Variants in SLC12A8 observed in about 807,000 individuals in gnomAD.
SLC12A8 encodes cation-chloride cotransporter 9.
A neutral mutation model predicts 75.6 loss-of-function variants in SLC12A8; 69 were observed. The observed-to-expected ratio is 0.91, with a 90% CI of 0.75 to 1.11. The LOEUF (loss-of-function observed/expected upper bound fraction) is 1.11, where lower values mean the gene tolerates loss of function less well. SLC12A8 is among the 50% of genes most tolerant of loss of function. SLC12A8 has a pLI of 0.00. For missense variants in SLC12A8, 877 were observed against 896.7 expected (o/e 0.98, Z 0.28); for synonymous variants, 365 against 372.8 (o/e 0.98, Z 0.24).
At chr3:125,172,861 TA>T (rs1272958993) in intron 5 of SLC12A8, among the ~76,000 whole-genome samples, 1 of 152,196 alleles carries the variant, frequency 6.6e-6, no homozygotes, top group African/African-American at 2.4e-5. Flanking sequence ...AAGTGTACTT[TA>T]AAAAAACTTT....
At chr3:125,123,175 G>C (rs559784838) in intron 6 of SLC12A8, among the ~76,000 whole-genome samples, 8 of 151,852 alleles carry the variant, frequency 5.3e-5, no homozygotes, top group South Asian at 2.1e-4. Flanking sequence ...AGGAGTTCGA[G>C]ACCAGCCTGA....
Position 125,177,753 on chromosome 3 carries a change from G to A in SLC12A8, c.612C>T (p.His204=), listed in dbSNP as rs1934566664. 6.2e-7 allele frequency: 1 copy of A among 1,613,886 alleles called. No homozygotes were observed. Among genetic ancestry groups the A allele is most frequent in the Non-Finnish European group, 8.5e-7 (1 of 1,179,818 alleles). Residue 204 remains histidine, a synonymous_variant, in exon 5 of 14, where the codon CAC becomes CAT. Transcript: ENST00000469902. ...CTCTGAAAGGCTTACCTGGGTCCAG[G>A]TGGGTGAAAGAACCCACCACAAAGT... ...TLDFVVGSFT[H]LDPEHGFIGY...
intron 5 of SLC12A8, among the ~76,000 whole-genome samples, chr3:125,154,588 G>A (rs1305728399): frequency 3.3e-5 from 5 of 152,028 alleles, no homozygotes; most frequent in African/African-American, 7.3e-5. Context: ...TATCCATTAG[G>A]GGTACATCCC....
Position 125,128,186 on chromosome 3 carries a change from T to TTA in SLC12A8, c.736+7482_736+7483insTA, listed in dbSNP as rs1432006425. Among the ~76,000 whole-genome samples, 4 of 114,898 alleles carry TTA rather than the reference T, an allele frequency of 3.5e-5. 1 individual carries two copies. Among genetic ancestry groups the TTA allele is most frequent in the African/African-American group, 1.1e-4 (2 of 18,888 alleles). 75.4% of individuals were successfully genotyped at this position (114,898 alleles called of 152,430 possible). On this transcript the variant is annotated intron_variant, in intron 6 of 13. Transcript: ENST00000469902. ...TGCCCGGCCTAAGCTTATTTTTATT[T>TTA]TTTTTTTTTTTTGAGACGGAGTCTC...
At chr3:125,179,733 A>AGAGAGAG (rs1560077720) in intron 4 of SLC12A8, among the ~76,000 whole-genome samples, 24 of 135,082 alleles carry the variant, frequency 1.8e-4, no homozygotes, top group African/African-American at 6.9e-4. Flanking sequence ...GAGAGAGAGA[A>AGAGAGAG]AGAGAAAGAC....
At chr3:125,097,379 A>T (rs1185662857) in intron 10 of SLC12A8, among the ~76,000 whole-genome samples, 1 of 149,760 alleles carries the variant, frequency 6.7e-6, no homozygotes, top group Non-Finnish European at 1.5e-5. Context: ...ACAGAGCAAG[A>T]CTCTGTCTCA....
In SLC12A8 at chr3:125,083,391, C is replaced by T. The variant is rs1181994645; in HGVS notation, c.*499G>A. On this transcript the variant is annotated 3_prime_UTR_variant, in exon 14 of 14. Coordinates refer to ENST00000469902, the MANE Select transcript of SLC12A8 (RefSeq NM_024628.6). ...ACGTGGTCCTCAGAATCCAGATTTC[C>T]TTTTTTGTCTTTTTCCTTCTTCCAC... The T allele has an allele frequency of 6.3e-6, 1 of 157,928 alleles. No individual in the cohort carries two copies. Among genetic ancestry groups the T allele is most frequent in the Non-Finnish European group, 1.4e-5 (1 of 71,448 alleles). The allele number at this position is 157,928 out of a possible 1,614,324, so 9.8% of individuals were successfully genotyped here.
intron 5 of SLC12A8, among the ~76,000 whole-genome samples, chr3:125,167,972 A>G (rs1203629667): frequency 6.6e-6 from 1 of 152,216 alleles, no homozygotes; most frequent in Non-Finnish European, 1.5e-5. Flanking sequence ...AAAGCAACTG[A>G]TGCTGCTTAA....
chr3:125,177,707 T>C, intron 5 of SLC12A8, 36 bp downstream of exon 5: 2 of 1,545,682 alleles, frequency 1.3e-6, no homozygotes, highest in Non-Finnish European at 1.8e-6. Flanking sequence ...GCAGTGAAGA[T>C]CCATAAGGCC....
chr3:125,088,079 A>G, intron 13 of SLC12A8: 1 of 533,082 alleles, frequency 1.9e-6, no homozygotes. Context: ...GACTGAGGAT[A>G]AGAAGGGAAG....
intron 2 of SLC12A8, among the ~76,000 whole-genome samples, chr3:125,191,152 T>G (rs1295955905): frequency 6.6e-6 from 1 of 152,208 alleles, no homozygotes; most frequent in Non-Finnish European, 1.5e-5. Context: ...TTTTCCTTAC[T>G]GAGCACTAAT....
chr3:125,211,814 G>T (rs939334102), intron 1 of SLC12A8, among the ~76,000 whole-genome samples: 10 of 152,324 alleles, frequency 6.6e-5, no homozygotes, highest in Admixed American at 5.9e-4. Flanking sequence ...GTGAGTGAAT[G>T]TAGCTGCGCC....
chr3:125,175,314 TTA>T (rs1934496313), intron 5 of SLC12A8, among the ~76,000 whole-genome samples: 1 of 152,184 alleles, frequency 6.6e-6, no homozygotes, highest in South Asian at 2.1e-4. Flanking sequence ...TTTTGAAGGT[TTA>T]TAGTTTGGTT....
At chr3:125,092,985 C>T (rs1253918563) in intron 10 of SLC12A8, among the ~76,000 whole-genome samples, 2 of 152,074 alleles carry the variant, frequency 1.3e-5, no homozygotes, top group African/African-American at 4.8e-5. Context: ...TCTCTCAATC[C>T]CACCCTCCTA....
At chr3:125,196,732 C>A (rs1435297384) in intron 2 of SLC12A8, among the ~76,000 whole-genome samples, 1 of 152,108 alleles carries the variant, frequency 6.6e-6, no homozygotes, top group Non-Finnish European at 1.5e-5. Flanking sequence ...TGTTTAAGAC[C>A]AGCCTGAGCA....
At chr3:125,142,908 C>T (rs990318465) in intron 5 of SLC12A8, among the ~76,000 whole-genome samples, 1 of 152,200 alleles carries the variant, frequency 6.6e-6, no homozygotes, top group Non-Finnish European at 1.5e-5. Flanking sequence ...CATAACATGC[C>T]CTCCTCCCTT....
At position 125,108,217 on chromosome 3, in the gene SLC12A8, T is replaced by A. The variant is rs1579474644; in HGVS notation, c.1060-91A>T. 3 of 1,289,638 alleles carry A rather than the reference T, an allele frequency of 2.3e-6. No homozygotes were observed. In the East Asian group the frequency reaches 7.1e-5, roughly 30 times the overall value. 79.9% of individuals were successfully genotyped at this position (1,289,638 alleles called of 1,614,324 possible). A position where few individuals can be genotyped will look rare whatever the true frequency, so the allele number is the denominator to read the frequency against. On this transcript the variant is annotated intron_variant, in intron 9 of 13. Transcript: ENST00000469902. Reference sequence around the variant, plus strand: ...AGTTACAGGCTAGAAACACAACTCATAATGACTCAGCCACTTCTCCCCATG... The same window carrying A: ...AGTTACAGGCTAGAAACACAACTCAAAATGACTCAGCCACTTCTCCCCATG...
At position 125,135,730 on chromosome 3, in the gene SLC12A8, G is replaced by T. The variant is rs3732495; in HGVS notation, c.675C>A (p.Pro225=). ...AAAAAGATTCCCCCGGGCTGTAATC[G>T]GGCAGCGTGTTGTTCTGTAGCAGTT... is the stretch of plus-strand genomic sequence containing the variant. ...SPELLQNNTL[P]DYSPGESFFT... The change falls in exon 6 of 14, where the codon CCC becomes CCA. Residue 225 remains proline, a synonymous_variant. Coordinates refer to ENST00000469902, the MANE Select transcript of SLC12A8 (RefSeq NM_024628.6). 2 of 1,610,098 alleles carry T rather than the reference G, an allele frequency of 1.2e-6. No individual in the cohort carries two copies. Among genetic ancestry groups the T allele is most frequent in the Admixed American group, 3.3e-5 (2 of 59,832 alleles).
chr3:125,198,127 C>G (rs538979701), intron 2 of SLC12A8, among the ~76,000 whole-genome samples: 1 of 152,088 alleles, frequency 6.6e-6, no homozygotes, highest in African/African-American at 2.4e-5. Context: ...AAATAGAAAA[C>G]CTAAATCTAC....
Sources: allele counts gnomAD v4.1 joint callset (sites outside exome capture counted in the v4.1 genomes callset), GRCh38; gene constraint gnomAD v4.1.1; transcripts MANE v1.5; gene names NCBI Gene and HGNC (gene_info 2026-07-23, HGNC 2026-07-21).